The following LRRC4C variants were observed in gnomAD, a reference collection of about 807,000 sequenced individuals.
The protein encoded by LRRC4C is leucine rich repeat containing 4C.
A neutral mutation model predicts 33.6 loss-of-function variants in LRRC4C; 5 were observed. The ratio of observed to expected loss-of-function variants is 0.15; its 90% CI spans 0.08 to 0.31. The LOEUF is 0.31. Ranked by LOEUF, LRRC4C falls within the 10% of genes least tolerant of loss-of-function variation. LRRC4C has a pLI of 1.00. For synonymous variants in LRRC4C, 329 were observed against 302.0 expected, an observed-to-expected ratio of 1.09 and a Z score of -0.93; for missense variants, 560 against 796.7, an observed-to-expected ratio of 0.70 and a Z score of 3.58.
chr11:40,313,159 G>C (rs566308520), intron 4 of LRRC4C, among the ~76,000 whole-genome samples: 5 of 151,994 alleles, frequency 3.3e-5, no homozygotes, highest in African/African-American at 1.2e-4. Context: ...ATTTGTAATC[G>C]ATCAAATAGA....
At chr11:40,682,859 G>A (rs574459343) in intron 2 of LRRC4C, among the ~76,000 whole-genome samples, 31 of 152,254 alleles carry the variant, frequency 2.0e-4, no homozygotes, top group African/African-American at 7.5e-4. Flanking sequence ...ATAATAGAGT[G>A]ATCAACAAAT....
At chr11:40,772,411 G>A (rs1222896283) in intron 2 of LRRC4C, among the ~76,000 whole-genome samples, 2 of 152,134 alleles carry the variant, frequency 1.3e-5, no homozygotes, top group African/African-American at 2.4e-5. Context: ...ATGAGATTTG[G>A]GTGGTGACAC....
At chr11:40,747,901 T>C (rs753108311) in intron 2 of LRRC4C, among the ~76,000 whole-genome samples, 36 of 152,082 alleles carry the variant, frequency 2.4e-4, no homozygotes, top group Admixed American at 1.1e-3. Context: ...GTTTGTGACA[T>C]ACAAAACATC....
At chr11:40,180,149 A>G (rs1442812681) in intron 5 of LRRC4C, among the ~76,000 whole-genome samples, 1 of 152,246 alleles carries the variant, frequency 6.6e-6, no homozygotes, top group Non-Finnish European at 1.5e-5. Flanking sequence ...TTTAAAACTC[A>G]ATATTTAAAA....
chr11:41,130,037 G>A (rs1942939555), intron 1 of LRRC4C, among the ~76,000 whole-genome samples: 1 of 151,916 alleles, frequency 6.6e-6, no homozygotes, highest in Non-Finnish European at 1.5e-5. Flanking sequence ...AGATCCTCTT[G>A]ACTGAGAAGA....
At chr11:40,620,278 T>A (rs1040473231) in intron 3 of LRRC4C, among the ~76,000 whole-genome samples, 1 of 151,648 alleles carries the variant, frequency 6.6e-6, no homozygotes, top group Non-Finnish European at 1.5e-5. Context: ...TATAAGGGAC[T>A]AGAATAAAGA....
chr11:41,036,838 A>T (rs866053961), intron 1 of LRRC4C, among the ~76,000 whole-genome samples: 1 of 152,232 alleles, frequency 6.6e-6, no homozygotes, highest in African/African-American at 2.4e-5. Flanking sequence ...ATACACAATT[A>T]GATTTTTCAC....
At chr11:40,612,773 A>G (rs1961363650) in intron 3 of LRRC4C, among the ~76,000 whole-genome samples, 1 of 151,886 alleles carries the variant, frequency 6.6e-6, no homozygotes, top group South Asian at 2.1e-4. Context: ...AAAATATGCA[A>G]GCTGAAATAA....
intron 2 of LRRC4C, among the ~76,000 whole-genome samples, chr11:40,777,695 A>C: frequency 6.9e-6 from 1 of 145,550 alleles, no homozygotes; most frequent in South Asian, 2.2e-4. Context: ...TATTTTTTTT[A>C]TTTTTTTTTT....
chr11:40,768,734 A>C (rs899769710), intron 2 of LRRC4C, among the ~76,000 whole-genome samples: 1 of 152,166 alleles, frequency 6.6e-6, no homozygotes, highest in African/African-American at 2.4e-5. Context: ...AGAAGGAAAA[A>C]AACATATGAT....
intron 3 of LRRC4C, among the ~76,000 whole-genome samples, chr11:40,643,904 C>T (rs1443501735): frequency 6.6e-6 from 1 of 152,086 alleles, no homozygotes; most frequent in African/African-American, 2.4e-5. Flanking sequence ...TAAACAATAT[C>T]CAGAATCTCA....
intron 3 of LRRC4C, among the ~76,000 whole-genome samples, chr11:40,598,703 T>C (rs773749148): frequency 7.9e-5 from 12 of 152,158 alleles, no homozygotes; most frequent in Non-Finnish European, 1.3e-4. Context: ...TTTTATATAT[T>C]GTTTAGGTGG....
intron 1 of LRRC4C, among the ~76,000 whole-genome samples, chr11:41,397,249 C>T (rs567443593): frequency 3.1e-4 from 47 of 151,920 alleles, no homozygotes; most frequent in African/African-American, 9.9e-4. Flanking sequence ...ATATGCCTAC[C>T]CCTCCTGCCT....
intron 1 of LRRC4C, among the ~76,000 whole-genome samples, chr11:41,120,642 A>T (rs1445122625): frequency 1.3e-5 from 2 of 152,180 alleles, no homozygotes; most frequent in African/African-American, 2.4e-5. Flanking sequence ...TACAGCTCTC[A>T]ATGAGTTCTT....
At chr11:40,920,423 C>CA (rs1308971337) in intron 2 of LRRC4C, among the ~76,000 whole-genome samples, 1 of 152,146 alleles carries the variant, frequency 6.6e-6, no homozygotes, top group African/African-American at 2.4e-5. Context: ...TATAAGCCCA[C>CA]AAAGCACTTT....
At chr11:40,285,617 G>A (rs1184484569) in intron 4 of LRRC4C, among the ~76,000 whole-genome samples, 1 of 152,140 alleles carries the variant, frequency 6.6e-6, no homozygotes, top group Non-Finnish European at 1.5e-5. Flanking sequence ...TTTCTTAGAA[G>A]TCACTTCTAT....
chr11:40,421,254 G>A (rs1950513072), intron 3 of LRRC4C, among the ~76,000 whole-genome samples: 2 of 152,166 alleles, frequency 1.3e-5, no homozygotes, highest in African/African-American at 4.8e-5. Flanking sequence ...TCTTATTCTA[G>A]AAATAGCTTT....
chr11:40,135,907 T>C (rs184951022), intron 6 of LRRC4C, among the ~76,000 whole-genome samples: 2 of 152,236 alleles, frequency 1.3e-5, no homozygotes, highest in Admixed American at 6.5e-5. Flanking sequence ...TCCACAAAAT[T>C]AGGTTAAATT....
chr11:40,682,791 C>T (rs1944763990), intron 2 of LRRC4C, among the ~76,000 whole-genome samples: 1 of 112,202 alleles, frequency 8.9e-6, no homozygotes, highest in African/African-American at 2.8e-5. Context: ...ATAAAGATAT[C>T]TCTGTTTATA....
Sources: gnomAD v4.1 joint callset for allele counts (sites outside exome capture counted in the v4.1 genomes callset) on GRCh38, gnomAD v4.1.1 for gene constraint, MANE v1.5 for transcripts, NCBI Gene and HGNC (gene_info 2026-07-23, HGNC 2026-07-21) for gene names.